The following SNX31 variants were observed in gnomAD, a reference collection of about 807,000 sequenced individuals.
The protein encoded by SNX31 is sorting nexin 31, also known as sorting nexin-31.
In SNX31, 58 loss-of-function variants were observed where a neutral mutation model predicts 65.4. The observed-to-expected ratio is 0.89, with a 90% CI of 0.72 to 1.10. The LOEUF is 1.10. Among genes scored for constraint, SNX31 ranks in the 50% least tolerant of loss-of-function variants. The pLI, the probability that SNX31 is intolerant of heterozygous loss-of-function variation, is 0.00. For synonymous variants in SNX31, 181 were observed against 190.1 expected, an observed-to-expected ratio of 0.95 and a Z score of 0.39; for missense variants, 523 against 529.7, an observed-to-expected ratio of 0.99 and a Z score of 0.12.
chr8:100,582,478 T>C (rs2130804269), intron 12 of SNX31: 1 of 152,342 alleles, frequency 6.6e-6, no homozygotes, highest in East Asian at 1.9e-4. Flanking sequence ...TTTGATTTAC[T>C]ACTCTCTAGC....
chr8:100,619,909 T>C (rs570240996), intron 4 of SNX31: 2 of 152,204 alleles, frequency 1.3e-5, no homozygotes, highest in Non-Finnish European at 2.9e-5. Flanking sequence ...TAAGCCAGAA[T>C]ACTAGTCACA....
At position 100,592,050 on chromosome 8, in the gene SNX31, G is replaced by A. The variant is rs191105327; in HGVS notation, c.979-3071C>T. Among the ~76,000 whole-genome samples, 119 of 152,230 alleles carry A rather than the reference G, an allele frequency of 7.8e-4. 1 individual carries two copies. Among genetic ancestry groups the A allele is most frequent in the Admixed American group, 7.2e-3 (110 of 15,294 alleles). ...ATCAATAGTACATACTCAATGTCAG[G>A]TGATAAAAACAAACAAACAGAAAGC... On this transcript the variant is annotated intron_variant, in intron 10 of 13. Transcript: ENST00000311812.
intron 4 of SNX31, chr8:100,618,103 C>A (rs113406108): frequency 1.0e-6 from 1 of 985,338 alleles, no homozygotes; most frequent in Non-Finnish European, 1.2e-6. Flanking sequence ...TTGCAGCAAG[C>A]GAACAATCCA....
Position 100,612,000 on chromosome 8 carries a change from C to T in SNX31, c.611G>A (p.Trp204Ter), listed in dbSNP as rs751854725. The T allele has an allele frequency of 5.6e-6, 9 of 1,613,498 alleles. No homozygotes were observed. Among genetic ancestry groups the T allele is most frequent in the Non-Finnish European group, 6.8e-6 (8 of 1,179,502 alleles). The change falls in exon 7 of 14, where the codon TGG becomes TAG. Residue 204 changes from tryptophan to a stop codon, truncating the protein, a stop_gained and splice_region_variant. Transcript: ENST00000311812. LOFTEE classifies it high-confidence loss of function. ...VENCKVGLRK[W>*]YMAPSLDSVL... ...TCTGTCACTTTCAGAACCTACTTAC[C>T]ACTTTCGGAGTCCAACCTTACAGTT...
chr8:100,635,441 A>G (rs894677390), intron 3 of SNX31, among the ~76,000 whole-genome samples: 4 of 142,710 alleles, frequency 2.8e-5, no homozygotes, highest in African/African-American at 1.0e-4. Context: ...GGATCTCTCT[A>G]TGTTGCTCAG....
intron 5 of SNX31, among the ~76,000 whole-genome samples, chr8:100,616,203 C>T (rs1817185451): frequency 6.6e-6 from 1 of 152,190 alleles, no homozygotes; most frequent in Non-Finnish European, 1.5e-5. Flanking sequence ...TAATTTGAAT[C>T]CAGGACTCAT....
intron 1 of SNX31, among the ~76,000 whole-genome samples, chr8:100,662,013 CAG>C (rs1563596186): frequency 6.6e-6 from 1 of 151,818 alleles, no homozygotes; most frequent in East Asian, 1.9e-4. Context: ...TTAGTAGAGA[CAG>C]GGTTTCGCCA....
At position 100,612,796 on chromosome 8, in the gene SNX31, G is replaced by A. The variant is rs893658594; in HGVS notation, c.523+199C>T. ...CAAGTGCAGTTACTGGACCACCCAA[G>A]GTATGAGCGGTTTGCCCCCACTCTC... On this transcript the variant is annotated intron_variant, in intron 6 of 13. Transcript: ENST00000311812. The surrounding 1 kb of genome is among the most constrained non-coding windows in gnomAD (Gnocchi z 4.3). Among the ~76,000 whole-genome samples the A allele has an allele frequency of 3.9e-5, 6 of 152,094 alleles. No homozygotes were observed. Among genetic ancestry groups the A allele is most frequent in the African/African-American group, 1.2e-4 (5 of 41,402 alleles).
chr8:100,581,325 C>CTATATCTA (rs1401988460), intron 12 of SNX31, among the ~76,000 whole-genome samples: 2,772 of 129,312 alleles, frequency 0.021, 167 homozygotes, highest in African/African-American at 0.088. Context: ...ATATCTATAT[C>CTATATCTA]TATCTATCTA....
chr8:100,638,060 C>T (rs1818901000), intron 2 of SNX31, among the ~76,000 whole-genome samples: 1 of 152,048 alleles, frequency 6.6e-6, no homozygotes, highest in Non-Finnish European at 1.5e-5. Context: ...GTCCCAGCTA[C>T]TTGGGAGGCT....
intron 4 of SNX31, among the ~76,000 whole-genome samples, chr8:100,624,187 T>C (rs1817895023): frequency 1.3e-5 from 2 of 152,118 alleles, no homozygotes; most frequent in Admixed American, 6.6e-5. Context: ...CTATGGCATA[T>C]ACCTGTAATC....
At chr8:100,593,222 C>A (rs1442880833) in intron 10 of SNX31, among the ~76,000 whole-genome samples, 1 of 152,092 alleles carries the variant, frequency 6.6e-6, no homozygotes, top group Non-Finnish European at 1.5e-5. Context: ...TAAAGAAAGA[C>A]ACGTGTGATA....
chr8:100,586,152 C>T (rs1814025709), intron 11 of SNX31, among the ~76,000 whole-genome samples: 1 of 152,182 alleles, frequency 6.6e-6, no homozygotes, highest in African/African-American at 2.4e-5. Flanking sequence ...AGCTCCTGAC[C>T]TCAAGTGATC....
At chr8:100,607,701 A>G (rs1270341029) in intron 8 of SNX31, among the ~76,000 whole-genome samples, 1 of 152,262 alleles carries the variant, frequency 6.6e-6, no homozygotes, top group Non-Finnish European at 1.5e-5. Flanking sequence ...TTGAGGAAAT[A>G]GATACCTTAT....
At position 100,633,965 on chromosome 8, in the gene SNX31, G is replaced by A. The variant is rs112471896; in HGVS notation, c.256+1932C>T. Among the ~76,000 whole-genome samples, 12 of 152,274 alleles carry A rather than the reference G, an allele frequency of 7.9e-5. 1 individual carries two copies. The highest frequency in any genetic ancestry group is 2.6e-4 in the African/African-American group (11 of 41,550). On this transcript the variant is annotated intron_variant, in intron 3 of 13. Coordinates refer to ENST00000311812, the MANE Select transcript of SNX31 (RefSeq NM_152628.4). Reference sequence around the variant, plus strand: ...TGAGCAAAAAGGGATCTATATACACGCAAATTGCTGCTAGGTAATATACAA... The same window carrying A: ...TGAGCAAAAAGGGATCTATATACACACAAATTGCTGCTAGGTAATATACAA...
intron 8 of SNX31, among the ~76,000 whole-genome samples, chr8:100,603,879 A>G (rs1261372151): frequency 2.0e-5 from 3 of 152,120 alleles, no homozygotes; most frequent in Admixed American, 6.6e-5. Flanking sequence ...CTGGGACTAC[A>G]GGCATGTGCC....
chr8:100,613,496 C>T lies in SNX31; in HGVS notation c.433-411G>A, dbSNP rs1486453368. Reference sequence around the variant, plus strand: ...GTTTACCTTCCTGTGGGCTGCATTACCAGCTATTTGGAAAAGGATCACTCC... The same window carrying T: ...GTTTACCTTCCTGTGGGCTGCATTATCAGCTATTTGGAAAAGGATCACTCC... On this transcript the variant is annotated intron_variant, in intron 5 of 13. Transcript: ENST00000311812. The surrounding 1 kb of genome is among the most constrained non-coding windows in gnomAD (Gnocchi z 5.2). 6.6e-6 allele frequency among the ~76,000 whole-genome samples: 1 copy of T among 152,168 alleles called. No individual in the cohort carries two copies. The highest frequency in any genetic ancestry group is 2.4e-5 in the African/African-American group (1 of 41,436).
intron 2 of SNX31, among the ~76,000 whole-genome samples, chr8:100,643,832 T>A (rs968944002): frequency 1.3e-5 from 2 of 152,120 alleles, no homozygotes; most frequent in African/African-American, 4.8e-5. Context: ...ATTCAAATAT[T>A]TGGATTTTGC....
At chr8:100,659,359 A>C (rs1380804620) in intron 1 of SNX31, among the ~76,000 whole-genome samples, 1 of 144,328 alleles carries the variant, frequency 6.9e-6, no homozygotes, top group East Asian at 2.2e-4. Context: ...ATCACAAAAA[A>C]AAAAAAAAAA....
Sources: gnomAD v4.1 joint callset for allele counts (sites outside exome capture counted in the v4.1 genomes callset) on GRCh38, gnomAD v4.1.1 for gene constraint, Gnocchi (gnomAD v3.1) non-coding constraint, MANE v1.5 for transcripts, NCBI Gene and HGNC (gene_info 2026-07-23, HGNC 2026-07-21) for gene names.